The following MYRFL variants were observed in gnomAD, a reference collection of about 807,000 sequenced individuals.
MYRFL encodes myelin regulatory factor like, also known as myelin regulatory factor-like protein.
A neutral mutation model predicts 109.4 loss-of-function variants in MYRFL; 88 were observed. The ratio of observed to expected loss-of-function variants is 0.80; its 90% CI spans 0.68 to 0.96. MYRFL has a LOEUF of 0.96. MYRFL is among the 40% of genes least tolerant of loss of function. The pLI is 0.00. For synonymous variants in MYRFL, 324 were observed against 320.9 expected, an observed-to-expected ratio of 1.01 and a Z score of -0.10; for missense variants, 957 against 954.9, an observed-to-expected ratio of 1.00 and a Z score of -0.03.
At chr12:69,842,703 G>T (rs1883314789) in intron 1 of MYRFL, among the ~76,000 whole-genome samples, 1 of 152,108 alleles carries the variant, frequency 6.6e-6, no homozygotes, top group Admixed American at 6.5e-5. Flanking sequence ...GAATTTATTT[G>T]CACATGCCTT....
intron 5 of MYRFL, among the ~76,000 whole-genome samples, chr12:69,882,545 G>A (rs1241210384): frequency 6.6e-6 from 1 of 152,210 alleles, no homozygotes; most frequent in African/African-American, 2.4e-5. Flanking sequence ...GATGGCCTGA[G>A]TCAATCAATA....
At chr12:69,913,762 T>C (rs1954650012) in intron 13 of MYRFL, among the ~76,000 whole-genome samples, 1 of 152,218 alleles carries the variant, frequency 6.6e-6, no homozygotes, top group East Asian at 1.9e-4. Context: ...TTTGGGGGGA[T>C]TTCCTTGTCT....
chr12:69,857,503 T>C (rs909999774), intron 2 of MYRFL, among the ~76,000 whole-genome samples: 3 of 151,878 alleles, frequency 2.0e-5, no homozygotes, highest in Non-Finnish European at 4.4e-5. Context: ...CTAACAAAAT[T>C]GAGCCTTCCA....
chr12:69,844,412 T>TA (rs1883413852), intron 1 of MYRFL, among the ~76,000 whole-genome samples: 2 of 150,724 alleles, frequency 1.3e-5, no homozygotes, highest in Non-Finnish European at 3.0e-5. Context: ...GAGGGGAGAG[T>TA]GAAGGGTGCC....
intron 22 of MYRFL, among the ~76,000 whole-genome samples, chr12:69,956,706 T>C (rs539335722): frequency 2.0e-5 from 3 of 152,218 alleles, no homozygotes; most frequent in South Asian, 2.1e-4. Flanking sequence ...ACTCTTTTTT[T>C]CATCAACTTT....
chr12:69,830,764 G>A (rs927637262), intron 1 of MYRFL, among the ~76,000 whole-genome samples: 7 of 152,192 alleles, frequency 4.6e-5, no homozygotes, highest in African/African-American at 9.6e-5. Flanking sequence ...GAAGTGTGCC[G>A]TAAGGAGATT....
Position 69,952,143 on chromosome 12 carries a change from A to G in MYRFL, c.2255A>G (p.Asn752Ser). ...EDKSKSVLARNALSGPDWESD... is the reference protein window; with the variant it reads ...EDKSKSVLARSALSGPDWESD... The stretch of plus-strand genomic sequence containing the variant: ...AAAAGCAAATCAGTTTTGGCAAGAA[A>G]TGCACTCAGCGGCCCTGACTGGGAG... The change falls in exon 20 of 25, where the codon AAT becomes AGT. Residue 752 changes from asparagine to serine, a missense_variant. By Grantham distance (46) the Asn-to-Ser change is conservative. Coordinates refer to ENST00000552032, the MANE Select transcript of MYRFL (RefSeq NM_182530.3). 1 of 1,536,154 alleles carries G rather than the reference A, an allele frequency of 6.5e-7. No individual in the cohort carries two copies.
chr12:69,926,557 T>C lies in MYRFL; in HGVS notation c.1603-14T>C. On this transcript the variant is annotated splice_polypyrimidine_tract_variant and intron_variant, in intron 13 of 24. Transcript: ENST00000552032. Reference sequence around the variant, plus strand: ...TTGTTAATTTATGCACTCTGTTTGATTTTTCCCTTTTAGGACCAGATCTTT... The same window carrying C: ...TTGTTAATTTATGCACTCTGTTTGACTTTTCCCTTTTAGGACCAGATCTTT... 6.8e-7 allele frequency: 1 copy of C among 1,480,020 alleles called. No homozygotes were observed. The highest frequency in any genetic ancestry group is 8.9e-7 in the Non-Finnish European group (1 of 1,118,664). The allele number at this position is 1,480,020 out of a possible 1,614,324, so 91.7% of individuals were successfully genotyped here.
At chr12:69,864,851 T>G (rs1205863636) in intron 2 of MYRFL, among the ~76,000 whole-genome samples, 3 of 152,190 alleles carry the variant, frequency 2.0e-5, no homozygotes, top group African/African-American at 7.2e-5. Context: ...AATGGATATA[T>G]CCTTTTCTCT....
chr12:69,859,511 T>G (rs973514099), intron 2 of MYRFL, among the ~76,000 whole-genome samples: 13 of 152,230 alleles, frequency 8.5e-5, no homozygotes, highest in Admixed American at 8.5e-4. Flanking sequence ...AAAACATAAT[T>G]GTATTGAATT....
Position 69,831,533 on chromosome 12 carries a change from G to C in MYRFL, c.46+5970G>C, listed in dbSNP as rs79938500. 7.9e-3 allele frequency among the ~76,000 whole-genome samples: 1,205 copies of C among 152,270 alleles called. 11 individuals are homozygous for C. The highest frequency in any genetic ancestry group is 0.047 in the East Asian group (246 of 5,184). ...TTCCTAGCTCTGCCACTGACTACCT[G>C]TGGGACTATGGATAGGTTCATAAGG... On this transcript the variant is annotated intron_variant, in intron 1 of 24. Coordinates refer to ENST00000552032, the MANE Select transcript of MYRFL (RefSeq NM_182530.3).
chr12:69,844,025 G>T (rs74101347), intron 1 of MYRFL, among the ~76,000 whole-genome samples: 10 of 152,180 alleles, frequency 6.6e-5, no homozygotes, highest in African/African-American at 2.4e-4. Flanking sequence ...AGAGCAAAGC[G>T]ATTATTTTTA....
At position 69,937,913 on chromosome 12, in the gene MYRFL, A is replaced by C. The variant is rs370437678; in HGVS notation, c.2224+1281A>C. 2.3e-4 allele frequency among the ~76,000 whole-genome samples: 35 copies of C among 152,356 alleles called. No homozygotes were observed. The East Asian group carries it at 3.7e-3, about 16-fold the overall frequency. On this transcript the variant is annotated intron_variant, in intron 19 of 24. Coordinates refer to ENST00000552032, the MANE Select transcript of MYRFL (RefSeq NM_182530.3). ...GTATTACTCTACGCTAGGTACTGTC[A>C]TAAGTAGTTTACATGAGTAAATCAT...
At chr12:69,844,299 G>T (rs1253547938) in intron 1 of MYRFL, among the ~76,000 whole-genome samples, 4 of 152,128 alleles carry the variant, frequency 2.6e-5, no homozygotes, top group Admixed American at 2.0e-4. Flanking sequence ...TGGGGGAGCA[G>T]GTTGGGGCCG....
chr12:69,930,379 G>C (rs984321628), intron 15 of MYRFL, among the ~76,000 whole-genome samples: 7 of 152,122 alleles, frequency 4.6e-5, no homozygotes, highest in Non-Finnish European at 1.0e-4. Context: ...TCAGTCAGTA[G>C]GGTTCCTCTT....
intron 2 of MYRFL, among the ~76,000 whole-genome samples, chr12:69,871,142 A>G (rs916908909): frequency 3.3e-5 from 5 of 152,032 alleles, no homozygotes; most frequent in Non-Finnish European, 7.4e-5. Flanking sequence ...AGCATATAAT[A>G]GGAGATTACC....
At chr12:69,947,345 A>T (rs1431071753) in intron 19 of MYRFL, among the ~76,000 whole-genome samples, 3 of 152,158 alleles carry the variant, frequency 2.0e-5, no homozygotes, top group African/African-American at 7.2e-5. Flanking sequence ...CATTTTTATG[A>T]CATGCTGAGC....
At chr12:69,935,692 C>T (rs1402065473) in intron 16 of MYRFL, among the ~76,000 whole-genome samples, 1 of 152,212 alleles carries the variant, frequency 6.6e-6, no homozygotes, top group African/African-American at 2.4e-5. Flanking sequence ...ACCTGTGCCG[C>T]CTTCCATCTC....
chr12:69,882,598 A>G (rs1290587735), intron 5 of MYRFL, among the ~76,000 whole-genome samples: 2 of 152,154 alleles, frequency 1.3e-5, no homozygotes, highest in African/African-American at 2.4e-5. Flanking sequence ...CACTTTGGCC[A>G]AGGGTTCCAA....
Sources: gnomAD v4.1 joint callset for allele counts (sites outside exome capture counted in the v4.1 genomes callset) on GRCh38, gnomAD v4.1.1 for gene constraint, MANE v1.5 for transcripts, NCBI Gene and HGNC (gene_info 2026-07-23, HGNC 2026-07-21) for gene names.